The following SH3PXD2B variants were observed in gnomAD, a reference collection of about 807,000 sequenced individuals.
SH3PXD2B encodes the protein SH3 and PX domain-containing protein 2B.
SH3PXD2B carries 37 observed loss-of-function variants against 73.1 expected under a neutral mutation model. The ratio of observed to expected loss-of-function variants is 0.51; its 90% CI spans 0.39 to 0.67. The LOEUF is 0.67. Ranked by LOEUF, SH3PXD2B falls within the 30% of genes least tolerant of loss-of-function variation. SH3PXD2B has a pLI of 0.00. For missense variants in SH3PXD2B, 1,053 were observed against 1,197.8 expected, an observed-to-expected ratio of 0.88 and a Z score of 1.78; for synonymous variants, 457 against 480.5, an observed-to-expected ratio of 0.95 and a Z score of 0.64.
intron 8 of SH3PXD2B, among the ~76,000 whole-genome samples, chr5:172,356,447 G>T (rs752433999): frequency 1.1e-3 from 172 of 152,226 alleles, no homozygotes; most frequent in Non-Finnish European, 2.1e-3. Flanking sequence ...CACTGGTTCA[G>T]CCTTATAGAA....
chr5:172,335,214 A>G lies in SH3PXD2B; in HGVS notation c.*3155T>C. ...GATGTAAGGTAAAGTAGTTGTCACAATTGTGTTAATAAGCAGGGGTGAGGG... is the reference window on the plus strand; with the variant it reads ...GATGTAAGGTAAAGTAGTTGTCACAGTTGTGTTAATAAGCAGGGGTGAGGG... On this transcript the variant is annotated 3_prime_UTR_variant, in exon 13 of 13. Transcript: ENST00000311601. The G allele has an allele frequency of 9.8e-7, 1 of 1,020,188 alleles. No individual in the cohort carries two copies. Among genetic ancestry groups the G allele is most frequent in the Non-Finnish European group, 1.2e-6 (1 of 853,446 alleles). The allele number at this position is 1,020,188 out of a possible 1,614,324, so 63.2% of individuals were successfully genotyped here.
chr5:172,358,924 G>A (rs182496801), intron 7 of SH3PXD2B, 47 bp from the exon 8 acceptor site: 7 of 1,552,386 alleles, frequency 4.5e-6, no homozygotes, highest in Non-Finnish European at 6.2e-6. Flanking sequence ...TCAAGCATGA[G>A]GCCGGGGGTC....
intron 6 of SH3PXD2B, among the ~76,000 whole-genome samples, chr5:172,372,478 C>A (rs75832233): frequency 0.082 from 12,479 of 152,178 alleles, 746 homozygotes; most frequent in African/African-American, 0.17. Flanking sequence ...AACGATGAGC[C>A]AATGAAACCT....
intron 5 of SH3PXD2B, among the ~76,000 whole-genome samples, chr5:172,377,581 C>G (rs926478048): frequency 6.6e-6 from 1 of 152,168 alleles, no homozygotes; most frequent in Non-Finnish European, 1.5e-5. Flanking sequence ...AAGCTGTGAG[C>G]CAGGGTAGTG....
chr5:172,395,378 C>G (rs993978595), intron 3 of SH3PXD2B, among the ~76,000 whole-genome samples: 7 of 152,170 alleles, frequency 4.6e-5, no homozygotes, highest in African/African-American at 1.4e-4. Context: ...AGTTAGTGTT[C>G]GTAAGAGAAG....
intron 12 of SH3PXD2B, among the ~76,000 whole-genome samples, chr5:172,342,449 C>T (rs1470245171): frequency 6.6e-6 from 1 of 152,126 alleles, no homozygotes; most frequent in Non-Finnish European, 1.5e-5. Context: ...TCAGAGTCAC[C>T]TAATCTTGCC....
chr5:172,374,769 T>A (rs1446903950), intron 5 of SH3PXD2B, among the ~76,000 whole-genome samples: 2 of 152,150 alleles, frequency 1.3e-5, no homozygotes, highest in Admixed American at 1.3e-4. Flanking sequence ...TCATGAGTAA[T>A]GAAGTTTGCA....
chr5:172,335,215 T>G lies in SH3PXD2B; in HGVS notation c.*3154A>C. 9.8e-7 allele frequency: 1 copy of G among 1,020,168 alleles called. No homozygotes were observed. Among genetic ancestry groups the G allele is most frequent in the Non-Finnish European group, 1.2e-6 (1 of 853,442 alleles). 63.2% of individuals were successfully genotyped at this position (1,020,168 alleles called of 1,614,324 possible). A position where few individuals can be genotyped will look rare whatever the true frequency, so the allele number is the denominator to read the frequency against. On this transcript the variant is annotated 3_prime_UTR_variant, in exon 13 of 13. Transcript: ENST00000311601. ...ATGTAAGGTAAAGTAGTTGTCACAA[T>G]TGTGTTAATAAGCAGGGGTGAGGGG...
At chr5:172,381,980 C>G in intron 5 of SH3PXD2B, 56 bp downstream of exon 5, 1 of 1,415,628 alleles carries the variant, frequency 7.1e-7, no homozygotes, top group Non-Finnish European at 9.8e-7. Flanking sequence ...GGTGGCTGGA[C>G]TGGCAGGAGG....
intron 1 of SH3PXD2B, among the ~76,000 whole-genome samples, chr5:172,435,857 G>A (rs1759376000): frequency 6.6e-6 from 1 of 152,224 alleles, no homozygotes; most frequent in African/African-American, 2.4e-5. Flanking sequence ...AGGCACAAAT[G>A]GGGCCGGGGC....
chr5:172,417,219 T>C (rs1758846591), intron 2 of SH3PXD2B, among the ~76,000 whole-genome samples: 1 of 152,218 alleles, frequency 6.6e-6, no homozygotes, highest in South Asian at 2.1e-4. Context: ...CTGATTCTAC[T>C]TTCAGTCCCC....
At chr5:172,355,247 C>T (rs982752476) in intron 8 of SH3PXD2B, among the ~76,000 whole-genome samples, 1 of 152,306 alleles carries the variant, frequency 6.6e-6, no homozygotes, top group Non-Finnish European at 1.5e-5. Flanking sequence ...ACACACAGGG[C>T]GTTTATTTAT....
intron 1 of SH3PXD2B, among the ~76,000 whole-genome samples, chr5:172,423,161 A>G (rs1246309204): frequency 2.0e-5 from 3 of 152,152 alleles, no homozygotes; most frequent in African/African-American, 7.2e-5. Context: ...CATTGATAAC[A>G]AGCCCGGGCA....
chr5:172,344,082 G>A (rs1284597692), intron 12 of SH3PXD2B, among the ~76,000 whole-genome samples: 1 of 151,852 alleles, frequency 6.6e-6, no homozygotes, highest in Non-Finnish European at 1.5e-5. Flanking sequence ...ACACAGAAGA[G>A]GTGCCTATAT....
chr5:172,416,649 TA>T (rs748088969), intron 2 of SH3PXD2B, among the ~76,000 whole-genome samples: 23 of 123,082 alleles, frequency 1.9e-4, no homozygotes, highest in South Asian at 5.7e-4. Context: ...TTTTTTTTTT[TA>T]AAAAGGACCT....
intron 8 of SH3PXD2B, among the ~76,000 whole-genome samples, chr5:172,354,955 G>A (rs565108907): frequency 2.6e-5 from 4 of 152,278 alleles, no homozygotes; most frequent in African/African-American, 9.6e-5. Context: ...GTTGCTCATC[G>A]CTGCACTCTG....
In SH3PXD2B at chr5:172,338,826, C is replaced by A; in HGVS notation, c.2279G>T (p.Arg760Leu). The A allele has an allele frequency of 6.2e-7, 1 of 1,613,918 alleles. No homozygotes were observed. Among genetic ancestry groups the A allele is most frequent in the Non-Finnish European group, 8.5e-7 (1 of 1,179,892 alleles). ...GGTTTTCTTTGGGGGAGGTGGTCTGCGGGGTGGGACCACAGGTCTCTGCTG... is the reference window on the plus strand; with the variant it reads ...GGTTTTCTTTGGGGGAGGTGGTCTGAGGGGTGGGACCACAGGTCTCTGCTG... ...APQQRPVVPP[R>L]RPPPPKKTSS... The change falls in exon 13 of 13, where the codon CGC becomes CTC. Residue 760 changes from arginine to leucine, a missense_variant. Around this residue, in one of 2 missense-constraint regions of SH3PXD2B, gnomAD observed 587 missense variants for 590.7 expected, o/e 0.99. Transcript: ENST00000311601. This position sits in a 1 kb window ranked among gnomAD's most constrained non-coding sequence, Gnocchi z 5.1.
chr5:172,454,057 G>A (rs1320320012), intron 1 of SH3PXD2B, among the ~76,000 whole-genome samples: 5 of 149,812 alleles, frequency 3.3e-5, no homozygotes, highest in African/African-American at 4.9e-5. Context: ...CGAGGCGGGA[G>A]GAAGGGATGG....
At chr5:172,329,448 T>C (rs1024671598), downstream of SH3PXD2B, among the ~76,000 whole-genome samples, 1 of 151,834 alleles carries the variant, frequency 6.6e-6, no homozygotes, top group African/African-American at 2.4e-5. Flanking sequence ...TGTACTATAC[T>C]GTAGAAGTAT....
Sources: allele counts gnomAD v4.1 joint callset (sites outside exome capture counted in the v4.1 genomes callset), GRCh38; gene constraint gnomAD v4.1.1; regional missense constraint gnomAD v4.1.1; non-coding constraint Gnocchi (gnomAD v3.1); transcripts MANE v1.5; gene names NCBI Gene and HGNC (gene_info 2026-07-23, HGNC 2026-07-21).